ZNF236: variants seen among roughly 807,000 people sequenced by gnomAD.
The protein encoded by ZNF236 is regulated by glucose.
In ZNF236, 50 loss-of-function variants were observed where a neutral mutation model predicts 191.2. That is an observed-to-expected ratio of 0.26 (90% confidence interval 0.21 to 0.33). The LOEUF (loss-of-function observed/expected upper bound fraction) is 0.33. Ranked by LOEUF, ZNF236 falls within the 10% of genes least tolerant of loss-of-function variation. ZNF236 has a pLI of 1.00. For synonymous variants in ZNF236, 907 were observed against 928.8 expected (o/e 0.98, Z 0.43); for missense variants, 1,754 against 2,374.5 (o/e 0.74, Z 5.43).
Position 76,960,588 on chromosome 18 carries a change from A to T in ZNF236, c.5243-91A>T. On this transcript the variant is annotated intron_variant, in intron 29 of 30. Coordinates refer to ENST00000320610, the MANE Select transcript of ZNF236 (RefSeq NM_001306089.2). The surrounding 1 kb of genome is among the most constrained non-coding windows in gnomAD (Gnocchi z 4.4). Reference sequence around the variant, plus strand: ...TGAAAGCCTAAAAGAAAAGAGGAACATTCAGTCCCTCTTGTTCATACCTCA... The same window carrying T: ...TGAAAGCCTAAAAGAAAAGAGGAACTTTCAGTCCCTCTTGTTCATACCTCA... The T allele has an allele frequency of 6.9e-7, 1 of 1,448,934 alleles. No individual in the cohort carries two copies. The highest frequency in any genetic ancestry group is 9.6e-7 in the Non-Finnish European group (1 of 1,040,638). 89.8% of individuals were successfully genotyped at this position (1,448,934 alleles called of 1,614,324 possible).
intron 7 of ZNF236, among the ~76,000 whole-genome samples, chr18:76,879,656 C>G (rs1454127786): frequency 6.6e-6 from 1 of 152,192 alleles, no homozygotes. Context: ...TTTCCTCTGA[C>G]TTAGGTTTTC....
chr18:76,968,143 T>C, intron 30 of ZNF236, 72 bp from the exon 31 acceptor site: 1 of 1,570,240 alleles, frequency 6.4e-7, no homozygotes, highest in Non-Finnish European at 8.7e-7. Flanking sequence ...CAGAAAGTCT[T>C]TATTTAAATA....
Position 76,970,703 on chromosome 18 carries a change from A to G in ZNF236, c.*2364A>G, listed in dbSNP as rs1477501838. 3 of 152,542 alleles carry G rather than the reference A, an allele frequency of 2.0e-5. No homozygotes were observed. The East Asian group carries it at 5.8e-4, about 29-fold the overall frequency. The allele number at this position is 152,542 out of a possible 1,614,324, so 9.4% of individuals were successfully genotyped here. A position where few individuals can be genotyped will look rare whatever the true frequency, so the allele number is the denominator to read the frequency against. On this transcript the variant is annotated 3_prime_UTR_variant, in exon 31 of 31. Transcript: ENST00000320610. ...ATAGCATATCTGCTTTGGAATAACT[A>G]TAAATAAAAGATGAAGTTAGGAAAT...
At chr18:76,951,755 G>A (rs1044362209) in intron 27 of ZNF236, among the ~76,000 whole-genome samples, 3 of 152,204 alleles carry the variant, frequency 2.0e-5, no homozygotes, top group South Asian at 2.1e-4. Context: ...CTTTCAGCCT[G>A]TCTCAGCTCT....
At chr18:76,952,940 C>T (rs1968443099) in intron 27 of ZNF236, among the ~76,000 whole-genome samples, 1 of 152,338 alleles carries the variant, frequency 6.6e-6, no homozygotes, top group Non-Finnish European at 1.5e-5. Context: ...AGTAAGCACT[C>T]AGGTAAGGAC....
At position 76,925,365 on chromosome 18, in the gene ZNF236, C is replaced by T. The variant is rs1329121860; in HGVS notation, c.3838C>T (p.Pro1280Ser). The change falls in exon 22 of 31, where the codon CCA (proline) becomes TCA (serine). Residue 1280 changes from proline to serine, a missense_variant. By Grantham distance (74) the Pro-to-Ser change is moderately conservative. This residue lies in a region of ZNF236 where 606 missense variants were observed against 761.5 expected (regional missense o/e 0.80). Transcript: ENST00000320610. The surrounding 1 kb of genome is among the most constrained non-coding windows in gnomAD (Gnocchi z 5.7). ...THMQFHYKPD[P>S]KKARKPMTRS... Reference sequence around the variant, plus strand: ...CATGCAGTTTCATTATAAACCAGACCCAAAGAAGGCCAGAAAGCCTATGAC... The same window carrying T: ...CATGCAGTTTCATTATAAACCAGACTCAAAGAAGGCCAGAAAGCCTATGAC... The T allele has an allele frequency of 6.2e-7, 1 of 1,614,144 alleles. No individual in the cohort carries two copies. Among genetic ancestry groups the T allele is most frequent in the Non-Finnish European group, 8.5e-7 (1 of 1,180,042 alleles).
chr18:76,959,891 C>CTG, intron 29 of ZNF236, 75 bp downstream of exon 29: 1 of 1,524,008 alleles, frequency 6.6e-7, no homozygotes, highest in South Asian at 1.2e-5. Context: ...ATAATTCCAC[C>CTG]TGTGCAATAT....
intron 30 of ZNF236, among the ~76,000 whole-genome samples, chr18:76,961,142 T>C (rs1349008887): frequency 6.6e-6 from 1 of 152,204 alleles, no homozygotes; most frequent in Non-Finnish European, 1.5e-5. Flanking sequence ...TATAGTCTTT[T>C]ATCCCTCACC....
At chr18:76,917,156 C>G (rs1278307263) in intron 19 of ZNF236, among the ~76,000 whole-genome samples, 1 of 152,196 alleles carries the variant, frequency 6.6e-6, no homozygotes, top group African/African-American at 2.4e-5. Context: ...TGAGATAGTT[C>G]AAACTCTTTA....
At chr18:76,954,826 T>C (rs1470715502) in intron 27 of ZNF236, among the ~76,000 whole-genome samples, 1 of 152,234 alleles carries the variant, frequency 6.6e-6, no homozygotes, top group Non-Finnish European at 1.5e-5. Context: ...TCCCTGCACA[T>C]CTCACGAGGC....
intron 3 of ZNF236, among the ~76,000 whole-genome samples, chr18:76,855,734 G>A (rs1366708124): frequency 1.7e-4 from 25 of 151,212 alleles, no homozygotes; most frequent in Non-Finnish European, 4.4e-5. Context: ...AGGACATTTG[G>A]TTATCACTGT....
chr18:76,841,563 T>C (rs1425181232), intron 1 of ZNF236, among the ~76,000 whole-genome samples: 28 of 152,254 alleles, frequency 1.8e-4, no homozygotes, highest in Admixed American at 1.8e-3. Flanking sequence ...GATAATTGGG[T>C]ACTTTGGCTT....
chr18:76,867,445 G>A (rs1398366593), intron 3 of ZNF236, among the ~76,000 whole-genome samples: 1 of 152,050 alleles, frequency 6.6e-6, no homozygotes, highest in African/African-American at 2.4e-5. Flanking sequence ...GTAGCTAGAG[G>A]TAGTATCAAT....
chr18:76,930,802 CCA>C (rs1269036180), intron 25 of ZNF236, among the ~76,000 whole-genome samples: 1 of 152,156 alleles, frequency 6.6e-6, no homozygotes. Flanking sequence ...CAGTTTCATT[CCA>C]CACAGTGTGT....
rs918601958 is a variant in ZNF236, at chr18:76,960,159, G to A, written c.5242+343G>A. ...TGGGTCCCATGTCCTCAATGTCACC[G>A]GGGAACTTAATTTTTAATCTTCCTC... On this transcript the variant is annotated intron_variant, in intron 29 of 30. Coordinates refer to ENST00000320610, the MANE Select transcript of ZNF236 (RefSeq NM_001306089.2). The surrounding 1 kb of genome is among the most constrained non-coding windows in gnomAD (Gnocchi z 4.4). Among the ~76,000 whole-genome samples the A allele has an allele frequency of 2.6e-5, 4 of 152,080 alleles. No homozygotes were observed. Among genetic ancestry groups the A allele is most frequent in the Non-Finnish European group, 4.4e-5 (3 of 68,012 alleles).
rs2123000791 is a variant in ZNF236 at position 76,971,507 on chromosome 18, A to G, written c.*3168A>G. On this transcript the variant is annotated 3_prime_UTR_variant, in exon 31 of 31. Transcript: ENST00000320610. ...GATGTTTCCTTCGTGCATATTTTCT[A>G]CTCCCCTGTTGTAATATTTTAAGGA... Among the ~76,000 whole-genome samples, 1 of 151,786 alleles carries G rather than the reference A, an allele frequency of 6.6e-6. No individual in the cohort carries two copies. Among genetic ancestry groups the G allele is most frequent in the East Asian group, 1.9e-4 (1 of 5,158 alleles).
chr18:76,955,854 T>C (rs1187651673), intron 27 of ZNF236, 131 bp from the exon 28 acceptor site: 1 of 978,888 alleles, frequency 1.0e-6, no homozygotes, highest in Non-Finnish European at 1.6e-6. Flanking sequence ...ATCCTGATGA[T>C]AGGACATGCA....
chr18:76,937,393 T>G (rs1968031198), intron 26 of ZNF236, 50 bp downstream of exon 26: 1 of 1,454,138 alleles, frequency 6.9e-7, no homozygotes, highest in East Asian at 2.4e-5. Flanking sequence ...AAAGTGATCT[T>G]TGAAAACATT....
chr18:76,862,737 G>A (rs1172522029), intron 3 of ZNF236, among the ~76,000 whole-genome samples: 1 of 152,306 alleles, frequency 6.6e-6, no homozygotes, highest in Non-Finnish European at 1.5e-5. Flanking sequence ...GGGGCTCTGC[G>A]AAATGGGTCT....
Sources: allele counts gnomAD v4.1 joint callset (sites outside exome capture counted in the v4.1 genomes callset), GRCh38; gene constraint gnomAD v4.1.1; regional missense constraint gnomAD v4.1.1; non-coding constraint Gnocchi (gnomAD v3.1); transcripts MANE v1.5; gene names NCBI Gene and HGNC (gene_info 2026-07-23, HGNC 2026-07-21).